Variants in ROCK2 observed in about 807,000 individuals in gnomAD.
ROCK2 encodes the protein Rho associated coiled-coil containing protein kinase 2, also known as rho-associated protein kinase 2.
In ROCK2, 61 loss-of-function variants were observed where a neutral mutation model predicts 195.1. The observed-to-expected ratio is 0.31, with a 90% CI of 0.25 to 0.39. ROCK2 has a LOEUF of 0.39. Ranked by LOEUF, ROCK2 falls within the 10% of genes least tolerant of loss-of-function variation. The pLI is 1.00. For missense variants in ROCK2, 1,109 were observed against 1,637.4 expected (o/e 0.68, Z 5.57); for synonymous variants, 504 against 545.5 (o/e 0.92, Z 1.06).
chr2:11,261,379 G>GTTATTTTA (rs1666220489), intron 3 of ROCK2, among the ~76,000 whole-genome samples: 1 of 152,182 alleles, frequency 6.6e-6, no homozygotes, highest in Non-Finnish European at 1.5e-5. Flanking sequence ...CTCTTTCCAA[G>GTTATTTTA]TTATTTTATT....
At chr2:11,209,866 C>G (rs989594387) in intron 18 of ROCK2, among the ~76,000 whole-genome samples, 1 of 152,158 alleles carries the variant, frequency 6.6e-6, no homozygotes, top group East Asian at 1.9e-4. Flanking sequence ...CCATGTAGTA[C>G]TAATAATAGC....
At chr2:11,273,384 C>T (rs1370856252) in intron 3 of ROCK2, among the ~76,000 whole-genome samples, 2 of 151,570 alleles carry the variant, frequency 1.3e-5, no homozygotes, top group Non-Finnish European at 1.5e-5. Flanking sequence ...CACTTTAAAT[C>T]AATAAAGGTT....
chr2:11,200,167 T>C (rs1663801281), intron 23 of ROCK2, among the ~76,000 whole-genome samples: 1 of 152,226 alleles, frequency 6.6e-6, no homozygotes, highest in Non-Finnish European at 1.5e-5. Context: ...CTTACTGAAT[T>C]GCAGACATTC....
intron 3 of ROCK2, among the ~76,000 whole-genome samples, chr2:11,265,975 C>A (rs191187152): frequency 6.6e-6 from 1 of 152,002 alleles, no homozygotes; most frequent in African/African-American, 2.4e-5. Flanking sequence ...TGGCGGTACA[C>A]ACCTGTGGTC....
chr2:11,204,817 T>C (rs1663991990), intron 20 of ROCK2, among the ~76,000 whole-genome samples: 1 of 152,198 alleles, frequency 6.6e-6, no homozygotes, highest in Non-Finnish European at 1.5e-5. Context: ...CAGTAGCTTT[T>C]TACAGTGCTT....
chr2:11,220,627 T>C (rs1664605895), intron 9 of ROCK2, among the ~76,000 whole-genome samples: 1 of 152,242 alleles, frequency 6.6e-6, no homozygotes, highest in African/African-American at 2.4e-5. Context: ...TGAGTGCTAC[T>C]GGACTCAATG....
At chr2:11,296,623 T>C (rs1343383986) in intron 1 of ROCK2, among the ~76,000 whole-genome samples, 1 of 152,192 alleles carries the variant, frequency 6.6e-6, no homozygotes, top group Non-Finnish European at 1.5e-5. Flanking sequence ...AAAGATTACG[T>C]AATTTAGGAT....
intron 1 of ROCK2, among the ~76,000 whole-genome samples, chr2:11,293,733 G>C (rs1667428328): frequency 6.6e-6 from 1 of 152,044 alleles, no homozygotes; most frequent in Non-Finnish European, 1.5e-5. Flanking sequence ...GATTACTGTG[G>C]CTTTTTAGGG....
At chr2:11,242,949 T>C (rs1665480660) in intron 4 of ROCK2, among the ~76,000 whole-genome samples, 1 of 152,226 alleles carries the variant, frequency 6.6e-6, no homozygotes, top group African/African-American at 2.4e-5. Flanking sequence ...CTTTGTGTTC[T>C]AACATCAGCC....
intron 1 of ROCK2, among the ~76,000 whole-genome samples, chr2:11,295,657 C>T (rs371479848): frequency 6.6e-6 from 1 of 151,982 alleles, no homozygotes; most frequent in Non-Finnish European, 1.5e-5. Context: ...CAGGGAAGAC[C>T]AGACTACCTT....
intron 32 of ROCK2, among the ~76,000 whole-genome samples, chr2:11,185,742 A>C (rs1260394794): frequency 6.7e-6 from 1 of 149,508 alleles, no homozygotes; most frequent in Non-Finnish European, 1.5e-5. Flanking sequence ...AAAATTAATA[A>C]ATAAATAAAA....
In ROCK2 at chr2:11,192,810, T is replaced by C. The variant is rs1663480354; in HGVS notation, c.3688-98A>G. ...GTAAGTAAAATAAAATTAGCCTAAA[T>C]TATTCAAAGAGAAGAAAATGTATCT... On this transcript the variant is annotated intron_variant, in intron 30 of 32. Coordinates refer to ENST00000315872, the MANE Select transcript of ROCK2 (RefSeq NM_004850.5). This position sits in a 1 kb window ranked among gnomAD's most constrained non-coding sequence, Gnocchi z 5.0. The C allele has an allele frequency of 7.6e-7, 1 of 1,321,452 alleles. No homozygotes were observed. The highest frequency in any genetic ancestry group is 2.6e-5 in the Admixed American group (1 of 39,214). 81.9% of individuals were successfully genotyped at this position (1,321,452 alleles called of 1,614,324 possible). A position where few individuals can be genotyped will look rare whatever the true frequency, so the allele number is the denominator to read the frequency against.
intron 5 of ROCK2, among the ~76,000 whole-genome samples, chr2:11,229,742 T>C (rs1664939697): frequency 6.6e-6 from 1 of 152,030 alleles, no homozygotes. Flanking sequence ...AACACAATAC[T>C]GTAAGACTAA....
At chr2:11,318,986 A>G (rs1243390992) in intron 1 of ROCK2, among the ~76,000 whole-genome samples, 1 of 152,128 alleles carries the variant, frequency 6.6e-6, no homozygotes, top group Non-Finnish European at 1.5e-5. Context: ...TACCAGTACC[A>G]TGTTGTTTTG....
chr2:11,224,991 C>T lies in ROCK2; in HGVS notation c.869-531G>A, dbSNP rs187170621. 1.6e-3 allele frequency among the ~76,000 whole-genome samples: 238 copies of T among 152,304 alleles called. 3 individuals are homozygous for T. Among genetic ancestry groups the T allele is most frequent in the Admixed American group, 2.9e-3 (45 of 15,296 alleles). On this transcript the variant is annotated intron_variant, in intron 6 of 32. Transcript: ENST00000315872. ...CATGTTGTAACCAATGGTCACCACA[C>T]TGGACAGCACAGATTTAAATCATTT... is the stretch of plus-strand genomic sequence containing the variant.
intron 18 of ROCK2, among the ~76,000 whole-genome samples, chr2:11,209,068 T>C (rs575076134): frequency 6.6e-6 from 1 of 152,364 alleles, no homozygotes; most frequent in African/African-American, 2.4e-5. Flanking sequence ...GTTTCTTATA[T>C]TCTACTGCTT....
chr2:11,212,592 A>T (rs4477885), intron 17 of ROCK2, among the ~76,000 whole-genome samples: 1 of 152,008 alleles, frequency 6.6e-6, no homozygotes, highest in African/African-American at 2.4e-5. Flanking sequence ...AAGCCCCAAT[A>T]CTCCTCCTAT....
chr2:11,251,118 G>A (rs1041886417), intron 3 of ROCK2, among the ~76,000 whole-genome samples: 2 of 152,126 alleles, frequency 1.3e-5, no homozygotes, highest in African/African-American at 4.8e-5. Context: ...CCCTTCTGCT[G>A]CCAGCATATT....
intron 1 of ROCK2, among the ~76,000 whole-genome samples, chr2:11,328,556 C>T (rs1394660274): frequency 1.3e-5 from 2 of 152,180 alleles, no homozygotes; most frequent in African/African-American, 4.8e-5. Context: ...CATTAATTAA[C>T]ACCAGTCTTA....
Sources: gnomAD v4.1 joint callset for allele counts (sites outside exome capture counted in the v4.1 genomes callset) on GRCh38, gnomAD v4.1.1 for gene constraint, Gnocchi (gnomAD v3.1) non-coding constraint, MANE v1.5 for transcripts, NCBI Gene and HGNC (gene_info 2026-07-23, HGNC 2026-07-21) for gene names.